Variants in AP4S1 observed in about 807,000 individuals in gnomAD.
AP4S1 encodes the protein adaptor related protein complex 4 subunit sigma 1.
In AP4S1, 23 loss-of-function variants were observed where a neutral mutation model predicts 19.8. The observed-to-expected ratio is 1.16, with a 90% CI of 0.84 to 1.65. The LOEUF is 1.65. AP4S1 is among the 40% of genes most tolerant of loss of function. The probability of loss-of-function intolerance (pLI) is 0.00; values close to 1 mark genes in which losing one functional copy is unlikely to be tolerated. For missense variants in AP4S1, 166 were observed against 172.8 expected, an observed-to-expected ratio of 0.96 and a Z score of 0.22; for synonymous variants, 46 against 54.1, an observed-to-expected ratio of 0.85 and a Z score of 0.66.
intron 5 of AP4S1, among the ~76,000 whole-genome samples, chr14:31,092,210 AT>A (rs1888095101): frequency 6.6e-6 from 1 of 152,190 alleles, no homozygotes; most frequent in African/African-American, 2.4e-5. Flanking sequence ...TGCCTTCTTC[AT>A]TCATTTTCTC....
At chr14:31,039,084 C>A (rs774284679) in intron 1 of AP4S1, among the ~76,000 whole-genome samples, 1 of 151,920 alleles carries the variant, frequency 6.6e-6, no homozygotes, top group African/African-American at 2.4e-5. Flanking sequence ...CTCACTGCAG[C>A]CTTGACCTCC....
rs531347536 is a variant in AP4S1, at chr14:31,039,014, G to C, written c.-72+13227G>C. ...GAGGTTTTTTTTTTTTTTATTGTTT[G>C]CTTGTTTGGTTTTTTGAGACGGTCT... On this transcript the variant is annotated intron_variant, in intron 1 of 5. Coordinates refer to ENST00000542754, the MANE Select transcript of AP4S1 (RefSeq NM_001128126.3). Among the ~76,000 whole-genome samples, 9 of 147,346 alleles carry C rather than the reference G, an allele frequency of 6.1e-5. 1 individual carries two copies. The highest frequency in any genetic ancestry group is 2.0e-4 in the African/African-American group (8 of 39,946).
chr14:31,030,345 A>G (rs1029293893), intron 1 of AP4S1, among the ~76,000 whole-genome samples: 6 of 152,148 alleles, frequency 3.9e-5, no homozygotes, highest in Non-Finnish European at 8.8e-5. Context: ...CAATACTTAC[A>G]CATAGTGAGT....
In AP4S1 at chr14:31,084,987, C is replaced by T. The variant is rs1887857701; in HGVS notation, c.306+4403C>T. On this transcript the variant is annotated intron_variant, in intron 5 of 5. Transcript: ENST00000542754. The stretch of plus-strand genomic sequence containing the variant: ...TACGCGTGAAGGTACAGAAAACCTC[C>T]ACGGCCTTTTCAGTATTTGGTGCCT... 1.3e-5 allele frequency: 21 copies of T among 1,561,330 alleles called. 1 individual carries two copies. The South Asian group carries it at 2.5e-4, about 18-fold the overall frequency.
chr14:31,086,438 T>G (rs1191835634), intron 5 of AP4S1: 1 of 152,420 alleles, frequency 6.6e-6, no homozygotes, highest in Admixed American at 6.6e-5. Context: ...TTGTTTGTTT[T>G]TTGAGACAGT....
intron 1 of AP4S1, among the ~76,000 whole-genome samples, chr14:31,032,813 C>T (rs1208089692): frequency 6.6e-6 from 1 of 152,154 alleles, no homozygotes; most frequent in East Asian, 1.9e-4. Flanking sequence ...GGATTACAGG[C>T]ATGAGCCACC....
At chr14:31,087,710 G>C (rs1346189122) in intron 5 of AP4S1, among the ~76,000 whole-genome samples, 1 of 152,118 alleles carries the variant, frequency 6.6e-6, no homozygotes. Flanking sequence ...TGGCAATTTA[G>C]TCTCTAATAA....
chr14:31,026,083 TC>T (rs2139378587), intron 1 of AP4S1: 10 of 1,527,880 alleles, frequency 6.5e-6, no homozygotes, highest in African/African-American at 2.8e-5. Flanking sequence ...GCCGCTCCGT[TC>T]CCCCCGGGCG....
intron 1 of AP4S1, among the ~76,000 whole-genome samples, chr14:31,031,362 G>A (rs1050565093): frequency 1.3e-5 from 2 of 152,182 alleles, no homozygotes; most frequent in African/African-American, 4.8e-5. Context: ...AGAAGGGAAG[G>A]ACCTCTACCC....
intron 1 of AP4S1, among the ~76,000 whole-genome samples, chr14:31,050,177 C>T (rs1166508148): frequency 2.0e-5 from 3 of 152,200 alleles, no homozygotes; most frequent in Admixed American, 6.5e-5. Flanking sequence ...CTGCCTTGGC[C>T]TCCCAAAGTG....
At chr14:31,028,012 A>G (rs759342348) in intron 1 of AP4S1, among the ~76,000 whole-genome samples, 84 of 152,300 alleles carry the variant, frequency 5.5e-4, no homozygotes, top group Non-Finnish European at 1.0e-3. Flanking sequence ...TTCAAAAGAG[A>G]TTAAGTAATG....
At chr14:31,051,842 G>T (rs1885814967) in intron 1 of AP4S1, among the ~76,000 whole-genome samples, 4 of 152,238 alleles carry the variant, frequency 2.6e-5, no homozygotes, top group African/African-American at 9.6e-5. Flanking sequence ...TGTATTTTTA[G>T]TAGAGCCGGG....
At chr14:31,053,797 C>G (rs1200022672) in intron 1 of AP4S1, among the ~76,000 whole-genome samples, 2 of 151,322 alleles carry the variant, frequency 1.3e-5, no homozygotes, top group African/African-American at 4.9e-5. Context: ...TTTAAAGATA[C>G]CAGAAGAGAA....
At chr14:31,064,757 G>C (rs1425448075) in intron 1 of AP4S1, among the ~76,000 whole-genome samples, 2 of 152,212 alleles carry the variant, frequency 1.3e-5, no homozygotes, top group Non-Finnish European at 2.9e-5. Flanking sequence ...AAGTGTTCAA[G>C]AACGGCTGGC....
intron 1 of AP4S1, among the ~76,000 whole-genome samples, chr14:31,046,845 CAAAA>C (rs577536911): frequency 1.6e-5 from 1 of 61,088 alleles, no homozygotes. Context: ...GACTCCGTCT[CAAAA>C]AAAAAAAAAA....
intron 1 of AP4S1, among the ~76,000 whole-genome samples, chr14:31,042,022 G>A (rs111554407): frequency 5.3e-5 from 8 of 152,092 alleles, no homozygotes; most frequent in Non-Finnish European, 1.0e-4. Context: ...GTAGACACAG[G>A]GTTTTGCCAT....
At chr14:31,053,173 C>G (rs1169361046) in intron 1 of AP4S1, among the ~76,000 whole-genome samples, 3 of 151,792 alleles carry the variant, frequency 2.0e-5, no homozygotes, top group Non-Finnish European at 4.4e-5. Context: ...ACACCAGATC[C>G]CAGGTGATCC....
chr14:31,029,181 A>G (rs1396974511), intron 1 of AP4S1, among the ~76,000 whole-genome samples: 1 of 152,026 alleles, frequency 6.6e-6, no homozygotes, highest in African/African-American at 2.4e-5. Flanking sequence ...TGTGGATTCT[A>G]TTGTCTCTCT....
intron 1 of AP4S1, among the ~76,000 whole-genome samples, chr14:31,035,434 G>A (rs771631616): frequency 3.2e-4 from 49 of 151,196 alleles, no homozygotes; most frequent in Non-Finnish European, 6.9e-4. Flanking sequence ...CTTGTGATCT[G>A]CCCACCTCAG....
Sources: gnomAD v4.1 joint callset for allele counts (sites outside exome capture counted in the v4.1 genomes callset) on GRCh38, gnomAD v4.1.1 for gene constraint, MANE v1.5 for transcripts, NCBI Gene and HGNC (gene_info 2026-07-23, HGNC 2026-07-21) for gene names.